The following JAKMIP3 variants were observed in gnomAD, a reference collection of about 807,000 sequenced individuals.
The protein encoded by JAKMIP3 is janus kinase and microtubule-interacting protein 3.
JAKMIP3 carries 58 observed loss-of-function variants against 118.5 expected under a neutral mutation model. The ratio of observed to expected loss-of-function variants is 0.49; its 90% confidence interval spans 0.40 to 0.61. JAKMIP3 has a LOEUF of 0.61. Among genes scored for constraint, JAKMIP3 ranks in the 20% least tolerant of loss-of-function variants. The probability of loss-of-function intolerance (pLI) is 0.00; values close to 1 mark genes in which losing one functional copy is unlikely to be tolerated. For synonymous variants in JAKMIP3, 486 were observed against 451.2 expected, an observed-to-expected ratio of 1.08 and a Z score of -0.98; for missense variants, 950 against 1,109.0, an observed-to-expected ratio of 0.86 and a Z score of 2.04.
chr10:132,103,133 A>G (rs893757534), intron 1 of JAKMIP3, among the ~76,000 whole-genome samples: 3 of 151,970 alleles, frequency 2.0e-5, no homozygotes, highest in African/African-American at 7.3e-5. Flanking sequence ...CTGCCCTGTA[A>G]CAGGTGACAG....
intron 23 of JAKMIP3, among the ~76,000 whole-genome samples, chr10:132,173,757 T>C (rs1028229169): frequency 2.7e-5 from 3 of 110,714 alleles, no homozygotes; most frequent in Non-Finnish European, 6.0e-5. Flanking sequence ...GTGGTGTGTC[T>C]CTGGTGGTCT....
chr10:132,172,230 A>G (rs1490591636), intron 23 of JAKMIP3, among the ~76,000 whole-genome samples: 4 of 152,072 alleles, frequency 2.6e-5, no homozygotes, highest in Non-Finnish European at 5.9e-5. Flanking sequence ...CGTGGAGATA[A>G]TGCATCTGGG....
chr10:132,066,961 G>A (rs1184225563), intron 1 of JAKMIP3, among the ~76,000 whole-genome samples: 2 of 152,082 alleles, frequency 1.3e-5, no homozygotes, highest in African/African-American at 4.8e-5. Flanking sequence ...TCACAGTGTG[G>A]GAGAACCAGT....
Position 132,179,327 on chromosome 10 carries a change from G to A in JAKMIP3, c.*1104-3030G>A, listed in dbSNP as rs1376151936. Among the ~76,000 whole-genome samples, 1 of 152,154 alleles carries A rather than the reference G, an allele frequency of 6.6e-6. No individual in the cohort carries two copies. Among genetic ancestry groups the A allele is most frequent in the Non-Finnish European group, 1.5e-5 (1 of 68,024 alleles). On this transcript the variant is annotated intron_variant, in intron 23 of 23. Transcript: ENST00000684848. The surrounding 1 kb of genome is among the most constrained non-coding windows in gnomAD (Gnocchi z 4.3). The stretch of plus-strand genomic sequence containing the variant: ...GACTTTTGGGCTCCCCGGGCTCTGA[G>A]CTGGTTGGGGCTCCACCTGCACTAT...
chr10:132,135,256 A>C (rs994099130), intron 5 of JAKMIP3, 96 bp downstream of exon 5: 2 of 1,296,858 alleles, frequency 1.5e-6, no homozygotes, highest in African/African-American at 1.5e-5. Flanking sequence ...TGCGTAAAGG[A>C]GTGGTGGTTG....
intron 12 of JAKMIP3, 69 bp downstream of exon 12, chr10:132,145,259 G>T: frequency 7.7e-7 from 1 of 1,299,964 alleles, no homozygotes; most frequent in South Asian, 1.3e-5. Flanking sequence ...TGTACCTAAA[G>T]ACAAGCTTCA....
intron 1 of JAKMIP3, among the ~76,000 whole-genome samples, chr10:132,085,721 G>A (rs370479203): frequency 5.9e-5 from 9 of 152,148 alleles, no homozygotes; most frequent in South Asian, 2.1e-4. Context: ...GGCTGGTCTC[G>A]AACTCCTGAC....
chr10:132,129,512 G>A (rs1019508903), intron 3 of JAKMIP3, among the ~76,000 whole-genome samples: 4 of 152,156 alleles, frequency 2.6e-5, no homozygotes, highest in Admixed American at 6.5e-5. Flanking sequence ...CAGCTGCTGT[G>A]GCAGCCCCAA....
rs772011131 is a variant in JAKMIP3, at chr10:132,136,091, G to A, written c.1116+15G>A. 8 of 1,611,900 alleles carry A rather than the reference G, an allele frequency of 5.0e-6. No homozygotes were observed. Among genetic ancestry groups the A allele is most frequent in the Non-Finnish European group, 6.8e-6 (8 of 1,179,130 alleles). On this transcript the variant is annotated intron_variant, in intron 6 of 23. Coordinates refer to ENST00000684848, the MANE Select transcript of JAKMIP3 (RefSeq NM_001323087.2). ...ACATAGAAATGGTGAGGGGGTGGGG[G>A]GCTCCACGGGGCCACGGTCGCACCC... is the stretch of plus-strand genomic sequence containing the variant.
intron 1 of JAKMIP3, among the ~76,000 whole-genome samples, chr10:132,104,467 G>A (rs1487868297): frequency 2.6e-5 from 4 of 152,204 alleles, no homozygotes; most frequent in Non-Finnish European, 4.4e-5. Context: ...TCTTAGATGT[G>A]GGGTCCCTGT....
chr10:132,180,676 CGCGCGCGTGTGTGTGCGTGCGTGTGT>C (rs2061030060), intron 23 of JAKMIP3, among the ~76,000 whole-genome samples: 1 of 4,574 alleles, frequency 2.2e-4, no homozygotes, highest in African/African-American at 8.2e-4. Context: ...CGTGTGTGTG[CGCGCGCGTGTGTGTGCGTGCGTGTGT>C]GTGTGCGCGT....
intron 2 of JAKMIP3, among the ~76,000 whole-genome samples, chr10:132,109,870 G>A (rs370511786): frequency 6.6e-6 from 1 of 152,212 alleles, no homozygotes; most frequent in Non-Finnish European, 1.5e-5. Context: ...CCAAACACTT[G>A]CATAAGTCTT....
At chr10:132,121,219 G>A (rs1283096144) in intron 3 of JAKMIP3, among the ~76,000 whole-genome samples, 2 of 152,126 alleles carry the variant, frequency 1.3e-5, no homozygotes, top group African/African-American at 2.4e-5. Flanking sequence ...GCAGGACAGT[G>A]GCCTCCCGGG....
intron 19 of JAKMIP3, among the ~76,000 whole-genome samples, chr10:132,154,998 T>G: frequency 3.1e-5 from 1 of 32,090 alleles, no homozygotes; most frequent in Non-Finnish European, 5.5e-5. Context: ...TGATGGTGAT[T>G]ATGATGATGA....
Position 132,184,068 on chromosome 10 carries a change from C to T in JAKMIP3, c.*2815C>T, listed in dbSNP as rs1380023165. 1 of 152,206 alleles carries T rather than the reference C, an allele frequency of 6.6e-6. No homozygotes were observed. The highest frequency in any genetic ancestry group is 1.5e-5 in the Non-Finnish European group (1 of 68,040). 9.4% of individuals were successfully genotyped at this position (152,206 alleles called of 1,614,324 possible). On this transcript the variant is annotated 3_prime_UTR_variant, in exon 24 of 24. Coordinates refer to ENST00000684848, the MANE Select transcript of JAKMIP3 (RefSeq NM_001323087.2). Reference sequence around the variant, plus strand: ...TGCCAGAAATGTACTGTTACATCAACATTTACATTATATTAACATCATCAC... The same window carrying T: ...TGCCAGAAATGTACTGTTACATCAATATTTACATTATATTAACATCATCAC...
At chr10:132,119,560 T>C (rs2048228304) in intron 3 of JAKMIP3, among the ~76,000 whole-genome samples, 1 of 152,170 alleles carries the variant, frequency 6.6e-6, no homozygotes, top group Admixed American at 6.5e-5. Flanking sequence ...TGGTGTCTCA[T>C]TGTCAGTCCC....
chr10:132,037,196 CT>C (rs1248514417), intron 1 of JAKMIP3, among the ~76,000 whole-genome samples: 3 of 152,204 alleles, frequency 2.0e-5, no homozygotes. Context: ...AGAATAAAGG[CT>C]TTGGTGGAGG....
intron 1 of JAKMIP3, among the ~76,000 whole-genome samples, chr10:132,078,220 C>T (rs2041146744): frequency 6.6e-6 from 1 of 152,308 alleles, no homozygotes; most frequent in African/African-American, 2.4e-5. Flanking sequence ...ATTTCACAAC[C>T]TCCTGATATA....
chr10:132,117,959 C>T lies in JAKMIP3; in HGVS notation c.633+385C>T, dbSNP rs2047976926. Among the ~76,000 whole-genome samples, 2 of 152,190 alleles carry T rather than the reference C, an allele frequency of 1.3e-5. No homozygotes were observed. Among genetic ancestry groups the T allele is most frequent in the African/African-American group, 4.8e-5 (2 of 41,450 alleles). ...CATCTCTTCTTAGTGTCCCGGGTCA[C>T]ACCTGACACCAGGCAGGGCTCAGTG... On this transcript the variant is annotated intron_variant, in intron 3 of 23. Coordinates refer to ENST00000684848, the MANE Select transcript of JAKMIP3 (RefSeq NM_001323087.2). The surrounding 1 kb of genome is among the most constrained non-coding windows in gnomAD (Gnocchi z 8.6).
Sources: gnomAD v4.1 joint callset for allele counts (sites outside exome capture counted in the v4.1 genomes callset) on GRCh38, gnomAD v4.1.1 for gene constraint, Gnocchi (gnomAD v3.1) non-coding constraint, MANE v1.5 for transcripts, NCBI Gene and HGNC (gene_info 2026-07-23, HGNC 2026-07-21) for gene names.